Variants in DLGAP2 observed in about 807,000 individuals in gnomAD.
The protein encoded by DLGAP2 is DLG associated protein 2.
A neutral mutation model predicts 100.3 loss-of-function variants in DLGAP2; 26 were observed. The ratio of observed to expected loss-of-function variants is 0.26; its 90% CI spans 0.19 to 0.36. The LOEUF (loss-of-function observed/expected upper bound fraction) is 0.36, where lower values mean the gene tolerates loss of function less well. Among genes scored for constraint, DLGAP2 ranks in the 10% least tolerant of loss-of-function variants. DLGAP2 has a pLI of 1.00. For synonymous variants in DLGAP2, 886 were observed against 630.1 expected, an observed-to-expected ratio of 1.41 and a Z score of -6.08; for missense variants, 1,858 against 1,453.2, an observed-to-expected ratio of 1.28 and a Z score of -4.53.
At chr8:1,188,144 G>A (rs182540892) in intron 2 of DLGAP2, among the ~76,000 whole-genome samples, 4,089 of 132,260 alleles carry the variant, frequency 0.031, 83 homozygotes, top group African/African-American at 0.038. Context: ...TCGCACGCCC[G>A]GGACTTCCGT....
At chr8:1,683,954 G>GTATGTATATATA (rs1554430844) in intron 12 of DLGAP2, among the ~76,000 whole-genome samples, 5 of 74,734 alleles carry the variant, frequency 6.7e-5, no homozygotes, top group Admixed American at 1.7e-4. Flanking sequence ...ATATATGTGT[G>GTATGTATATATA]TATATATATA....
intron 3 of DLGAP2, among the ~76,000 whole-genome samples, chr8:1,438,945 A>G (rs1396672963): frequency 6.6e-6 from 1 of 152,222 alleles, no homozygotes; most frequent in Non-Finnish European, 1.5e-5. Flanking sequence ...GCATGAAAAT[A>G]GGAACATTTT....
chr8:1,684,775 C>T (rs993488991), intron 12 of DLGAP2, among the ~76,000 whole-genome samples: 1 of 151,980 alleles, frequency 6.6e-6, no homozygotes, highest in African/African-American at 2.4e-5. Flanking sequence ...AAGGAAAAAT[C>T]AAAAATGTGC....
chr8:1,184,082 C>T (rs1352687026), intron 2 of DLGAP2, among the ~76,000 whole-genome samples: 5 of 152,034 alleles, frequency 3.3e-5, no homozygotes, highest in African/African-American at 1.2e-4. Flanking sequence ...AGTGTGTTTG[C>T]GTTGTGTTTG....
chr8:1,682,228 C>T (rs370642641), intron 12 of DLGAP2, among the ~76,000 whole-genome samples: 64 of 152,278 alleles, frequency 4.2e-4, no homozygotes, highest in East Asian at 1.4e-3. Context: ...AAGGTTCTCC[C>T]GCGTTAGCCA....
intron 2 of DLGAP2, among the ~76,000 whole-genome samples, chr8:1,126,128 C>T (rs1430270707): frequency 6.6e-6 from 1 of 152,198 alleles, no homozygotes; most frequent in Non-Finnish European, 1.5e-5. Flanking sequence ...GCGGTGAATA[C>T]GTGAGGCAGT....
At chr8:1,219,211 A>G (rs1798270662) in intron 2 of DLGAP2, among the ~76,000 whole-genome samples, 1 of 152,046 alleles carries the variant, frequency 6.6e-6, no homozygotes, top group Non-Finnish European at 1.5e-5. Context: ...TTCTCAAGGG[A>G]AATGCCTCCA....
intron 3 of DLGAP2, among the ~76,000 whole-genome samples, chr8:1,298,209 TAGGG>T (rs1380610418): frequency 6.6e-6 from 1 of 151,856 alleles, no homozygotes; most frequent in Non-Finnish European, 1.5e-5. Flanking sequence ...CCACGCGAGA[TAGGG>T]AGGATTCAGG....
intron 3 of DLGAP2, among the ~76,000 whole-genome samples, chr8:1,341,819 C>T (rs1312628341): frequency 6.6e-6 from 1 of 152,166 alleles, no homozygotes; most frequent in Non-Finnish European, 1.5e-5. Flanking sequence ...CAGGCCCTGG[C>T]ACATTGCCTA....
intron 3 of DLGAP2, among the ~76,000 whole-genome samples, chr8:1,287,081 C>T (rs78304806): frequency 0.024 from 3,570 of 151,688 alleles, 68 homozygotes; most frequent in Admixed American, 0.06. Context: ...GAACTGGTTT[C>T]GGTTCAGTAT....
At chr8:1,097,842 C>T (rs929500392) in intron 2 of DLGAP2, among the ~76,000 whole-genome samples, 6 of 147,546 alleles carry the variant, frequency 4.1e-5, no homozygotes, top group African/African-American at 1.5e-4. Flanking sequence ...CAGCCCGGGG[C>T]AGGCCTTCAC....
At chr8:895,436 G>A (rs1798126081) in intron 1 of DLGAP2, among the ~76,000 whole-genome samples, 1 of 152,176 alleles carries the variant, frequency 6.6e-6, no homozygotes, top group Non-Finnish European at 1.5e-5. Flanking sequence ...GGGGAGCAGG[G>A]GGCTGTCGGT....
Position 1,319,328 on chromosome 8 carries a change from C to G in DLGAP2, c.106+60445C>G, listed in dbSNP as rs535872014. Among the ~76,000 whole-genome samples the G allele has an allele frequency of 5.9e-5, 9 of 152,326 alleles. No homozygotes were observed. The East Asian group carries it at 1.7e-3, about 29-fold the overall frequency. On this transcript the variant is annotated intron_variant, in intron 3 of 14. Transcript: ENST00000637795. ...CCCTGAAACCTGAGACCAACCTTCT[C>G]TGACTCAAATCCCAGATCAGAGGTT...
chr8:1,161,047 C>T (rs552608438), intron 2 of DLGAP2, among the ~76,000 whole-genome samples: 1 of 152,316 alleles, frequency 6.6e-6, no homozygotes, highest in South Asian at 2.1e-4. Context: ...CCTGAAGGTA[C>T]TTAAAAAATT....
intron 8 of DLGAP2, among the ~76,000 whole-genome samples, chr8:1,654,954 G>C (rs966421460): frequency 6.6e-6 from 1 of 152,142 alleles, no homozygotes; most frequent in Non-Finnish European, 1.5e-5. Context: ...ACAAGTTCTC[G>C]CCGTGTGATG....
intron 1 of DLGAP2, among the ~76,000 whole-genome samples, chr8:902,283 C>A (rs1406436728): frequency 6.6e-6 from 1 of 151,960 alleles, no homozygotes; most frequent in Admixed American, 6.5e-5. Flanking sequence ...GTATCTGGCA[C>A]AGAGCGGACG....
At chr8:1,194,025 G>T (rs1233485455) in intron 2 of DLGAP2, among the ~76,000 whole-genome samples, 13 of 152,136 alleles carry the variant, frequency 8.5e-5, no homozygotes. Context: ...GCATTACCGG[G>T]ACCAAATCCA....
In DLGAP2 at chr8:1,161,958, C is replaced by G. The variant is rs77279536; in HGVS notation, c.74-96893C>G. ...TCCGTGTGCCAAGTCAGGGGTGCGT[C>G]AGAGTCACCTGAGGGCCTTCCTGCT... On this transcript the variant is annotated intron_variant, in intron 2 of 14. Transcript: ENST00000637795. 5.4e-3 allele frequency among the ~76,000 whole-genome samples: 828 copies of G among 152,378 alleles called. 1 individual carries two copies. The highest frequency in any genetic ancestry group is 8.4e-3 in the Non-Finnish European group (573 of 68,036).
At chr8:1,407,988 A>T (rs879400779) in intron 3 of DLGAP2, among the ~76,000 whole-genome samples, 2 of 152,232 alleles carry the variant, frequency 1.3e-5, no homozygotes, top group Non-Finnish European at 2.9e-5. Flanking sequence ...TGCACAGCAC[A>T]GCATGTTTAA....
Sources: allele counts gnomAD v4.1 joint callset (sites outside exome capture counted in the v4.1 genomes callset), GRCh38; gene constraint gnomAD v4.1.1; transcripts MANE v1.5; gene names NCBI Gene and HGNC (gene_info 2026-07-23, HGNC 2026-07-21).